Variants in ZNF791 observed in about 807,000 individuals in gnomAD.
ZNF791 encodes the protein zinc finger protein 791.
A neutral mutation model predicts 11.5 loss-of-function variants in ZNF791; 4 were observed. The ratio of observed to expected loss-of-function variants is 0.35; its 90% CI spans 0.17 to 0.80. The LOEUF is 0.80. ZNF791 is among the 30% of genes least tolerant of loss of function. ZNF791 has a pLI of 0.53. For synonymous variants in ZNF791, 212 were observed against 228.1 expected, an observed-to-expected ratio of 0.93 and a Z score of 0.64; for missense variants, 559 against 699.4, an observed-to-expected ratio of 0.80 and a Z score of 2.26.
intron 1 of ZNF791, among the ~76,000 whole-genome samples, chr19:12,615,012 CTTTTTTTTTTTT>C (rs1180146927): frequency 8.0e-5 from 4 of 49,882 alleles, no homozygotes; most frequent in Middle Eastern, 0.032. Flanking sequence ...CTATGTTCAA[CTTTTTTTTTTTT>C]TTTTTTTTTT....
In ZNF791 at chr19:12,627,735, A is replaced by G. The variant is rs1312526872; in HGVS notation, c.206A>G (p.Glu69Gly). The part of the protein sequence containing the change: ...QGRNLRSHTG[E>G]RLCEGKEGSQ... ...ATTTTTTACAGAAGCCATACGGGAGAGAGACTCTGTGAAGGTAAAGAAGGT... is the reference window on the plus strand; with the variant it reads ...ATTTTTTACAGAAGCCATACGGGAGGGAGACTCTGTGAAGGTAAAGAAGGT... Residue 69 changes from glutamate (E) to glycine (G), a missense_variant, in exon 4 of 4, where the codon GAG becomes GGG. Physicochemically the swap from Glu to Gly is moderately conservative, Grantham distance 98. Transcript: ENST00000343325. 2 of 1,611,696 alleles carry G rather than the reference A, an allele frequency of 1.2e-6. No individual in the cohort carries two copies. The highest frequency in any genetic ancestry group is 2.2e-5 in the South Asian group (2 of 91,004).
chr19:12,616,352 A>G (rs193156971), intron 1 of ZNF791, among the ~76,000 whole-genome samples: 149 of 152,302 alleles, frequency 9.8e-4, no homozygotes, highest in African/African-American at 3.5e-3. Context: ...CAGCTACTCC[A>G]GAGGCTAAAG....
chr19:12,620,066 G>C (rs1414772437), intron 1 of ZNF791, among the ~76,000 whole-genome samples: 2 of 151,936 alleles, frequency 1.3e-5, no homozygotes, highest in Admixed American at 6.6e-5. Flanking sequence ...TGGGACTACA[G>C]GCGCCCGCCA....
rs1281957244 is a variant in ZNF791, at chr19:12,631,977, T to TC, written c.*2718dup. 4.0e-5 allele frequency: 6 copies of TC among 151,770 alleles called. No individual in the cohort carries two copies. The highest frequency in any genetic ancestry group is 1.5e-4 in the African/African-American group (6 of 41,290). The allele number at this position is 151,770 out of a possible 1,614,324, so 9.4% of individuals were successfully genotyped here. A position where few individuals can be genotyped will look rare whatever the true frequency, so the allele number is the denominator to read the frequency against. On this transcript the variant is annotated 3_prime_UTR_variant, in exon 4 of 4. Coordinates refer to ENST00000343325, the MANE Select transcript of ZNF791 (RefSeq NM_153358.3). ...TAAACTGAAGTGTATTTTTTTTTTT[T>TC]CGAGACGGAGTCTTGCTCTGTTGCC...
At position 12,628,102 on chromosome 19, in the gene ZNF791, G is replaced by C; in HGVS notation, c.573G>C (p.Lys191Asn). The part of the protein sequence containing the change: ...THIGEKPYEC[K>N]QCGKALSCSS... ...TTGGAGAAAAACCCTATGAATGTAA[G>C]CAATGTGGAAAAGCTCTTAGTTGTT... Residue 191 changes from lysine (K) to asparagine (N), a missense_variant, in exon 4 of 4, where the codon AAG (lysine) becomes AAC (asparagine). Physicochemically the swap from Lys to Asn is moderately conservative, Grantham distance 94. Coordinates refer to ENST00000343325, the MANE Select transcript of ZNF791 (RefSeq NM_153358.3). The C allele has an allele frequency of 1.9e-6, 3 of 1,614,068 alleles. No individual in the cohort carries two copies. Among genetic ancestry groups the C allele is most frequent in the Non-Finnish European group, 2.5e-6 (3 of 1,180,014 alleles).
intron 1 of ZNF791, among the ~76,000 whole-genome samples, chr19:12,615,264 CCCTGGCCTCCCACAGCG>C (rs2023229879): frequency 6.6e-6 from 1 of 151,906 alleles, no homozygotes; most frequent in African/African-American, 2.4e-5. Flanking sequence ...ACTTCTCCCG[CCCTGGCCTCCCACAGCG>C]CATGGCCTCC....
chr19:12,617,014 G>T (rs1324583078), intron 1 of ZNF791, among the ~76,000 whole-genome samples: 4 of 152,058 alleles, frequency 2.6e-5, no homozygotes, highest in Non-Finnish European at 4.4e-5. Flanking sequence ...TTTTTTGTGG[G>T]TGTATGAGAG....
At chr19:12,621,780 C>A (rs541427488) in intron 1 of ZNF791, among the ~76,000 whole-genome samples, 2 of 95,428 alleles carry the variant, frequency 2.1e-5, no homozygotes, top group African/African-American at 4.4e-5. Context: ...GGGGGTCAGC[C>A]CCCCCGCCCG....
At chr19:12,622,806 T>C (rs2023374305) in intron 1 of ZNF791, among the ~76,000 whole-genome samples, 5 of 151,264 alleles carry the variant, frequency 3.3e-5, no homozygotes, top group Admixed American at 1.3e-4. Flanking sequence ...AGGCAGAGAA[T>C]TGCTTAAACC....
rs1001248729 is a variant in ZNF791, at chr19:12,627,876, C to G, written c.347C>G (p.Thr116Ser). 6.2e-7 allele frequency: 1 copy of G among 1,614,018 alleles called. No homozygotes were observed. Among genetic ancestry groups the G allele is most frequent in the East Asian group, 2.2e-5 (1 of 44,898 alleles). ...GKAFMRLSSL[T>S]RHMRSHTGYE... Reference sequence around the variant, plus strand: ...GCCTTCATGCGTCTCTCATCCCTTACTAGACACATGAGGTCTCACACTGGA... The same window carrying G: ...GCCTTCATGCGTCTCTCATCCCTTAGTAGACACATGAGGTCTCACACTGGA... Residue 116 changes from threonine to serine, a missense_variant, in exon 4 of 4, where the codon ACT becomes AGT. By Grantham distance (58) the Thr-to-Ser change is moderately conservative. Transcript: ENST00000343325.
intron 3 of ZNF791, among the ~76,000 whole-genome samples, chr19:12,626,762 G>C (rs566170228): frequency 2.0e-5 from 3 of 150,344 alleles, no homozygotes; most frequent in Admixed American, 6.6e-5. Context: ...CCACCACCAC[G>C]CCCGGCTAAT....
Position 12,628,982 on chromosome 19 carries a change from A to G in ZNF791, c.1453A>G (p.Ile485Val), listed in dbSNP as rs918604165. The change falls in exon 4 of 4, where the codon ATA (isoleucine) becomes GTA (valine). Residue 485 changes from isoleucine to valine, a missense_variant. Physicochemically the swap from Ile to Val is conservative, Grantham distance 29 (BLOSUM62 3). Coordinates refer to ENST00000343325, the MANE Select transcript of ZNF791 (RefSeq NM_153358.3). ...CTTTAGTTGTTCTAGTTACATTCGG[A>G]TACATAAAAGAACTCACACTGGGGA... Reference protein sequence around the residue: ...KAFSCSSYIRIHKRTHTGEKP... With the variant: ...KAFSCSSYIRVHKRTHTGEKP... 6.2e-7 allele frequency: 1 copy of G among 1,614,012 alleles called. No homozygotes were observed. The highest frequency in any genetic ancestry group is 1.7e-5 in the Admixed American group (1 of 59,986).
At chr19:12,627,668 A>G in intron 3 of ZNF791, 53 bp from the exon 4 acceptor site, 2 of 1,433,652 alleles carry the variant, frequency 1.4e-6, no homozygotes, top group South Asian at 1.3e-5. Flanking sequence ...CCGATAATAC[A>G]TATAAAATCA....
In ZNF791 at chr19:12,629,528, G is replaced by A; in HGVS notation, c.*268G>A. On this transcript the variant is annotated 3_prime_UTR_variant, in exon 4 of 4. Coordinates refer to ENST00000343325, the MANE Select transcript of ZNF791 (RefSeq NM_153358.3). The stretch of plus-strand genomic sequence containing the variant: ...GTAGCAGTAGTAACACCATAGTGCA[G>A]CACATTATTTAAGTGTTTATGGTGC... 1 of 263,378 alleles carries A rather than the reference G, an allele frequency of 3.8e-6. No homozygotes were observed. The highest frequency in any genetic ancestry group is 7.1e-6 in the Non-Finnish European group (1 of 139,950). 16.3% of individuals were successfully genotyped at this position (263,378 alleles called of 1,614,324 possible). A position where few individuals can be genotyped will look rare whatever the true frequency, so the allele number is the denominator to read the frequency against.
rs1332897163 is a variant in ZNF791, at chr19:12,633,070, G to C, written c.*3810G>C. On this transcript the variant is annotated 3_prime_UTR_variant, in exon 4 of 4. Coordinates refer to ENST00000343325, the MANE Select transcript of ZNF791 (RefSeq NM_153358.3). ...AGATCGTGCCACTGCAATCCAGCCTGGGCAGCAGAACGAGACTCCATCTCA... is the reference window on the plus strand; with the variant it reads ...AGATCGTGCCACTGCAATCCAGCCTCGGCAGCAGAACGAGACTCCATCTCA... 1 of 152,080 alleles carries C rather than the reference G, an allele frequency of 6.6e-6. No homozygotes were observed. Among genetic ancestry groups the C allele is most frequent in the Non-Finnish European group, 1.5e-5 (1 of 68,024 alleles). The allele number at this position is 152,080 out of a possible 1,614,324, so 9.4% of individuals were successfully genotyped here. A position where few individuals can be genotyped will look rare whatever the true frequency, so the allele number is the denominator to read the frequency against.
chr19:12,617,282 T>C (rs777419801), intron 1 of ZNF791, among the ~76,000 whole-genome samples: 4 of 151,960 alleles, frequency 2.6e-5, no homozygotes, highest in Admixed American at 6.6e-5. Context: ...CGTGCCACCA[T>C]GCCTGTCTAA....
In ZNF791 at chr19:12,627,881, C is replaced by T; in HGVS notation, c.352C>T (p.His118Tyr). The change falls in exon 4 of 4, where the codon CAC becomes TAC. Residue 118 changes from histidine (H) to tyrosine (Y), a missense_variant. His to Tyr is a moderately conservative substitution (Grantham distance 83). Coordinates refer to ENST00000343325, the MANE Select transcript of ZNF791 (RefSeq NM_153358.3). ...AFMRLSSLTR[H>Y]MRSHTGYELF... is the part of the protein sequence containing the mutation. ...CATGCGTCTCTCATCCCTTACTAGA[C>T]ACATGAGGTCTCACACTGGATACGA... 5 of 1,614,142 alleles carry T rather than the reference C, an allele frequency of 3.1e-6. No homozygotes were observed. Among genetic ancestry groups the T allele is most frequent in the Non-Finnish European group, 4.2e-6 (5 of 1,180,042 alleles).
chr19:12,613,798 T>A (rs2861404), intron 1 of ZNF791, among the ~76,000 whole-genome samples: 3 of 152,076 alleles, frequency 2.0e-5, no homozygotes, highest in Non-Finnish European at 4.4e-5. Context: ...GGAAGGATCC[T>A]CTTGTACTGA....
intron 3 of ZNF791, among the ~76,000 whole-genome samples, chr19:12,627,325 T>G (rs954287991): frequency 1.3e-4 from 19 of 151,990 alleles, no homozygotes; most frequent in African/African-American, 4.6e-4. Context: ...TCCCTGAAAA[T>G]GATAAAAATT....
Sources: allele counts gnomAD v4.1 joint callset (sites outside exome capture counted in the v4.1 genomes callset), GRCh38; gene constraint gnomAD v4.1.1; transcripts MANE v1.5; gene names NCBI Gene and HGNC (gene_info 2026-07-23, HGNC 2026-07-21).